The following DYNC1I1 variants were observed in gnomAD, a reference collection of about 807,000 sequenced individuals.
DYNC1I1 encodes the protein dynein cytoplasmic 1 intermediate chain 1, also known as cytoplasmic dynein 1 intermediate chain 1.
A neutral mutation model predicts 86.6 loss-of-function variants in DYNC1I1; 43 were observed. The ratio of observed to expected loss-of-function variants is 0.50; its 90% confidence interval spans 0.39 to 0.64. DYNC1I1 has a LOEUF of 0.64. Among genes scored for constraint, DYNC1I1 ranks in the 30% least tolerant of loss-of-function variants. The pLI is 0.00. For missense variants in DYNC1I1, 604 were observed against 788.8 expected (o/e 0.77, Z 2.81); for synonymous variants, 262 against 283.7 (o/e 0.92, Z 0.77).
At chr7:95,962,702 A>G (rs17167265) in intron 6 of DYNC1I1, among the ~76,000 whole-genome samples, 7,878 of 152,264 alleles carry the variant, frequency 0.052, 605 homozygotes, top group African/African-American at 0.16. Flanking sequence ...AATAAAGTAG[A>G]TCTTAAAGAA....
At chr7:95,942,639 A>G (rs200309903) in intron 6 of DYNC1I1, among the ~76,000 whole-genome samples, 3 of 151,524 alleles carry the variant, frequency 2.0e-5, no homozygotes, top group Non-Finnish European at 2.9e-5. Flanking sequence ...TACTGGCAAA[A>G]CGAATCCAGC....
chr7:95,794,592 G>T (rs1439217408), intron 1 of DYNC1I1, among the ~76,000 whole-genome samples: 1 of 152,100 alleles, frequency 6.6e-6, no homozygotes, highest in Non-Finnish European at 1.5e-5. Context: ...AGATGAGAGG[G>T]CAGATACCCT....
chr7:96,077,048 T>G (rs1319340768), intron 15 of DYNC1I1, among the ~76,000 whole-genome samples: 1 of 152,178 alleles, frequency 6.6e-6, no homozygotes. Context: ...CATCACTTCT[T>G]GGTTTCTGAT....
chr7:95,800,528 ATGCTGAGCAGGAGGT>A (rs1319371197), intron 1 of DYNC1I1, among the ~76,000 whole-genome samples: 6 of 152,134 alleles, frequency 3.9e-5, no homozygotes, highest in Non-Finnish European at 8.8e-5. Context: ...TGCTCCGAGG[ATGCTGAGCAGGAGGT>A]GCAAAAGTGC....
chr7:95,869,838 A>G, intron 5 of DYNC1I1, 45 bp from the exon 6 acceptor site: 1 of 1,561,520 alleles, frequency 6.4e-7, no homozygotes, highest in Non-Finnish European at 8.8e-7. Flanking sequence ...CTCTTCTGCA[A>G]GGAATGCCTC....
At chr7:95,877,733 G>A (rs116964057) in intron 6 of DYNC1I1, among the ~76,000 whole-genome samples, 1,588 of 152,316 alleles carry the variant, frequency 0.01, 13 homozygotes, top group Non-Finnish European at 0.016. Flanking sequence ...GCCCTTCTGG[G>A]ATCACAACAC....
intron 5 of DYNC1I1, chr7:95,837,525 A>G (rs1186865022): frequency 5.9e-4 from 85 of 144,872 alleles, no homozygotes; most frequent in East Asian, 2.2e-3. Context: ...TGCTTTGTTT[A>G]CCTAAGCAAG....
chr7:95,888,252 C>A (rs527572151), intron 6 of DYNC1I1, among the ~76,000 whole-genome samples: 1 of 152,188 alleles, frequency 6.6e-6, no homozygotes, highest in African/African-American at 2.4e-5. Flanking sequence ...GACTGGCCAA[C>A]ATGGCAAACC....
intron 10 of DYNC1I1, among the ~76,000 whole-genome samples, chr7:96,009,779 ACTT>A (rs1005940387): frequency 6.7e-6 from 1 of 149,754 alleles, no homozygotes; most frequent in South Asian, 2.1e-4. Flanking sequence ...GGGGCAGATG[ACTT>A]CTTTTTTTTT....
At chr7:95,934,952 T>TTGTGTGTGTGTGTG (rs145382652) in intron 6 of DYNC1I1, among the ~76,000 whole-genome samples, 3 of 148,978 alleles carry the variant, frequency 2.0e-5, no homozygotes, top group African/African-American at 7.4e-5. Flanking sequence ...GTTTTTTGTT[T>TTGTGTGTGTGTGTG]TGTGTGTGTG....
chr7:95,938,915 C>G (rs1361427319), intron 6 of DYNC1I1, among the ~76,000 whole-genome samples: 1 of 152,166 alleles, frequency 6.6e-6, no homozygotes, highest in Non-Finnish European at 1.5e-5. Context: ...ATCTTTCCTG[C>G]TTTCTCTTTT....
intron 11 of DYNC1I1, among the ~76,000 whole-genome samples, chr7:96,030,102 TGA>T (rs1794771967): frequency 1.3e-5 from 2 of 152,026 alleles, no homozygotes; most frequent in Middle Eastern, 3.2e-3. Context: ...CACTATTGGC[TGA>T]CTGATTGGTA....
intron 1 of DYNC1I1, among the ~76,000 whole-genome samples, chr7:95,788,443 G>C (rs981856853): frequency 6.6e-6 from 1 of 152,180 alleles, no homozygotes; most frequent in Non-Finnish European, 1.5e-5. Flanking sequence ...TTTGAAGTGG[G>C]GAAGATCAAA....
chr7:96,050,666 C>A (rs1486298206), intron 14 of DYNC1I1, among the ~76,000 whole-genome samples: 3 of 152,108 alleles, frequency 2.0e-5, no homozygotes, highest in Non-Finnish European at 4.4e-5. Flanking sequence ...CCCTCTACAG[C>A]CTGTATTTAT....
chr7:96,077,702 G>C (rs918330503), intron 15 of DYNC1I1, among the ~76,000 whole-genome samples: 3 of 152,134 alleles, frequency 2.0e-5, no homozygotes, highest in African/African-American at 7.2e-5. Flanking sequence ...TAGAAATCCA[G>C]CTTAGTTGAG....
chr7:96,010,199 G>T (rs532798061), intron 10 of DYNC1I1, among the ~76,000 whole-genome samples: 1 of 152,248 alleles, frequency 6.6e-6, no homozygotes, highest in South Asian at 2.1e-4. Flanking sequence ...GAGGTAGAAT[G>T]CATGGTACAA....
chr7:95,871,599 G>A (rs1312309501), intron 6 of DYNC1I1, among the ~76,000 whole-genome samples: 1 of 152,134 alleles, frequency 6.6e-6, no homozygotes, highest in Non-Finnish European at 1.5e-5. Context: ...AATAGGAGAA[G>A]GAGTGAATTA....
chr7:96,022,277 C>T (rs959540257), intron 10 of DYNC1I1, among the ~76,000 whole-genome samples: 6 of 152,214 alleles, frequency 3.9e-5, no homozygotes, highest in South Asian at 2.1e-4. Context: ...GGACAAGGCA[C>T]GTGATAGGGT....
chr7:95,855,776 C>T (rs572630002), intron 5 of DYNC1I1, among the ~76,000 whole-genome samples: 2 of 152,040 alleles, frequency 1.3e-5, no homozygotes, highest in East Asian at 3.9e-4. Flanking sequence ...GGAAAAGGTA[C>T]AGTAAAAATA....
Sources: gnomAD v4.1 joint callset for allele counts (sites outside exome capture counted in the v4.1 genomes callset) on GRCh38, gnomAD v4.1.1 for gene constraint, MANE v1.5 for transcripts, NCBI Gene and HGNC (gene_info 2026-07-23, HGNC 2026-07-21) for gene names.